ACAP2: variants seen among roughly 807,000 people sequenced by gnomAD.
ACAP2 encodes the protein ArfGAP with coiled-coil, ankyrin repeat and PH domains 2, also known as arf-GAP with coiled-coil, ANK repeat and PH domain-containing protein 2.
Under a neutral mutation model 115.8 loss-of-function variants are expected in ACAP2, and 39 were observed. The ratio of observed to expected loss-of-function variants is 0.34; its 90% CI spans 0.26 to 0.44. The LOEUF is 0.44. Among genes scored for constraint, ACAP2 ranks in the 20% least tolerant of loss-of-function variants. The probability of loss-of-function intolerance (pLI) is 1.00; values close to 1 mark genes in which losing one functional copy is unlikely to be tolerated. For synonymous variants in ACAP2, 289 were observed against 315.8 expected (o/e 0.92, Z 0.90); for missense variants, 662 against 927.6 (o/e 0.71, Z 3.72).
At chr3:195,359,545 G>T (rs1019365152) in intron 4 of ACAP2, among the ~76,000 whole-genome samples, 2 of 152,200 alleles carry the variant, frequency 1.3e-5, no homozygotes, top group Admixed American at 6.5e-5. Context: ...TCTGCTCACT[G>T]CAAGCTCTGC....
At chr3:195,347,189 A>C (rs1731241546) in intron 4 of ACAP2, among the ~76,000 whole-genome samples, 1 of 152,218 alleles carries the variant, frequency 6.6e-6, no homozygotes, top group Admixed American at 6.5e-5. Context: ...TAAATGAATT[A>C]AGAAGAAACA....
chr3:195,350,929 G>A (rs1314300152), intron 4 of ACAP2, among the ~76,000 whole-genome samples: 3 of 151,620 alleles, frequency 2.0e-5, no homozygotes, highest in African/African-American at 7.3e-5. Context: ...TTACTGAATA[G>A]GGTTAAGCAA....
chr3:195,350,402 G>A (rs1731477317), intron 4 of ACAP2, among the ~76,000 whole-genome samples: 1 of 152,082 alleles, frequency 6.6e-6, no homozygotes, highest in African/African-American at 2.4e-5. Context: ...GCTCACGTCT[G>A]TAATCCCAAC....
chr3:195,353,365 T>C (rs9879305), intron 4 of ACAP2, among the ~76,000 whole-genome samples: 41,443 of 152,072 alleles, frequency 0.27, 6,398 homozygotes, highest in East Asian at 0.71. Flanking sequence ...CAGCAGTAGA[T>C]AGCTAATATA....
intron 2 of ACAP2, among the ~76,000 whole-genome samples, chr3:195,383,145 T>C (rs901432675): frequency 6.6e-6 from 1 of 152,156 alleles, no homozygotes; most frequent in South Asian, 2.1e-4. Flanking sequence ...AATTGTTTGC[T>C]ATTTACAATA....
chr3:195,282,244 T>C (rs1484032757), intron 22 of ACAP2: 4 of 152,232 alleles, frequency 2.6e-5, no homozygotes, highest in African/African-American at 9.6e-5. Context: ...AGTAGAACCA[T>C]TGTACCATGC....
chr3:195,398,347 T>C (rs1488577524), intron 1 of ACAP2, among the ~76,000 whole-genome samples: 1 of 152,184 alleles, frequency 6.6e-6, no homozygotes, highest in African/African-American at 2.4e-5. Flanking sequence ...AATAACCTTT[T>C]ATAAATATCT....
chr3:195,297,441 C>A (rs2108947594), intron 15 of ACAP2, among the ~76,000 whole-genome samples, 160 bp from the exon 16 acceptor site: 1 of 152,290 alleles, frequency 6.6e-6, no homozygotes, highest in Admixed American at 6.5e-5. Context: ...CAAAATGAGA[C>A]AAGAACTGAG....
chr3:195,434,790 A>T (rs1715407135), intron 1 of ACAP2, among the ~76,000 whole-genome samples: 1 of 151,870 alleles, frequency 6.6e-6, no homozygotes. Context: ...GTCTGTTCAG[A>T]TTTTCTGTTT....
At chr3:195,417,765 TACAG>T (rs1343123471) in intron 1 of ACAP2, among the ~76,000 whole-genome samples, 6 of 152,064 alleles carry the variant, frequency 3.9e-5, no homozygotes, top group African/African-American at 1.2e-4. Context: ...CTGGGCAACA[TACAG>T]AAACTCCATC....
At chr3:195,424,259 GTGTATATATA>G (rs1560357288) in intron 1 of ACAP2, among the ~76,000 whole-genome samples, 24 of 64,180 alleles carry the variant, frequency 3.7e-4, no homozygotes, top group African/African-American at 1.4e-3. Flanking sequence ...GTGTGTGTGT[GTGTATATATA>G]TATATATATA....
At chr3:195,290,460 G>A (rs914782441) in intron 20 of ACAP2, among the ~76,000 whole-genome samples, 1 of 152,052 alleles carries the variant, frequency 6.6e-6, no homozygotes, top group African/African-American at 2.4e-5. Context: ...AAGTTTAAAC[G>A]ATGAAGTTAT....
intron 16 of ACAP2, among the ~76,000 whole-genome samples, chr3:195,296,136 G>A (rs1378821713): frequency 6.6e-6 from 1 of 151,640 alleles, no homozygotes; most frequent in Non-Finnish European, 1.5e-5. Context: ...GTATTAACAT[G>A]CTACTCTTCC....
At chr3:195,417,078 ATTTT>A (rs11293878) in intron 1 of ACAP2, among the ~76,000 whole-genome samples, 6 of 109,532 alleles carry the variant, frequency 5.5e-5, no homozygotes, top group Non-Finnish European at 8.8e-5. Flanking sequence ...TGCCTGGCTA[ATTTT>A]TTTTTTTTTT....
At chr3:195,393,784 A>C (rs1711526828) in intron 1 of ACAP2, among the ~76,000 whole-genome samples, 1 of 151,970 alleles carries the variant, frequency 6.6e-6, no homozygotes, top group Non-Finnish European at 1.5e-5. Context: ...AATGTAAATA[A>C]ATTACCATAT....
intron 1 of ACAP2, among the ~76,000 whole-genome samples, chr3:195,422,924 TAAAAG>T (rs1285927121): frequency 1.3e-5 from 2 of 152,108 alleles, no homozygotes; most frequent in African/African-American, 4.8e-5. Flanking sequence ...TATGATGAAT[TAAAAG>T]AAACAGGAAT....
intron 1 of ACAP2, among the ~76,000 whole-genome samples, chr3:195,423,719 G>A (rs1043263025): frequency 1.0e-4 from 15 of 150,580 alleles, no homozygotes; most frequent in South Asian, 2.1e-4. Flanking sequence ...AGCAAAAAAC[G>A]CAACCATAAA....
intron 4 of ACAP2, among the ~76,000 whole-genome samples, chr3:195,372,797 G>A (rs1733246871): frequency 6.6e-6 from 1 of 151,966 alleles, no homozygotes. Flanking sequence ...CTTAGTGCCA[G>A]AGCAAAACTC....
intron 7 of ACAP2, 64 bp from the exon 8 acceptor site, chr3:195,333,187 C>T (rs62287109): frequency 0.24 from 174,462 of 735,000 alleles, 23,790 homozygotes; most frequent in East Asian, 0.67. Context: ...TGAAATATTA[C>T]ATATATATAT....
Sources: allele counts gnomAD v4.1 joint callset (sites outside exome capture counted in the v4.1 genomes callset), GRCh38; gene constraint gnomAD v4.1.1; transcripts MANE v1.5; gene names NCBI Gene and HGNC (gene_info 2026-07-23, HGNC 2026-07-21).